FAIM2: variants seen among roughly 807,000 people sequenced by gnomAD.
FAIM2 encodes the protein Fas apoptotic inhibitory molecule 2, also known as protein lifeguard 2.
In FAIM2, 27 loss-of-function variants were observed where a neutral mutation model predicts 47.4. The ratio of observed to expected loss-of-function variants is 0.57; its 90% CI spans 0.42 to 0.78. The LOEUF is 0.78. Ranked by LOEUF, FAIM2 falls within the 30% of genes least tolerant of loss-of-function variation. The pLI is 0.00. For missense variants in FAIM2, 311 were observed against 389.4 expected (o/e 0.80, Z 1.69); for synonymous variants, 156 against 159.3 (o/e 0.98, Z 0.16).
chr12:49,880,176 GTA>G lies in FAIM2; in HGVS notation c.801+7208_801+7209del, dbSNP rs1565614710. 1.4e-3 allele frequency among the ~76,000 whole-genome samples: 119 copies of G among 87,272 alleles called. 1 individual carries two copies. The highest frequency in any genetic ancestry group is 5.5e-3 in the African/African-American group (117 of 21,232). 57.3% of individuals were successfully genotyped at this position (87,272 alleles called of 152,430 possible). On this transcript the variant is annotated intron_variant, in intron 11 of 11. Transcript: ENST00000320634. ...TGTGTGTGCATGTGTGTATGTGTGT[GTA>G]TGCATGTGTGTATATGTGCATGTGT...
intron 5 of FAIM2, among the ~76,000 whole-genome samples, chr12:49,896,189 C>T (rs752817446): frequency 6.6e-6 from 1 of 152,162 alleles, no homozygotes; most frequent in Non-Finnish European, 1.5e-5. Context: ...CTCCCGCAGC[C>T]CCCGTACAGG....
chr12:49,885,441 C>G (rs566893203), intron 11 of FAIM2, among the ~76,000 whole-genome samples: 1 of 152,332 alleles, frequency 6.6e-6, no homozygotes, highest in South Asian at 2.1e-4. Flanking sequence ...TGTGGCCCTC[C>G]TCTTTCTCTC....
chr12:49,890,963 C>T, intron 6 of FAIM2, 101 bp downstream of exon 6: 1 of 1,230,116 alleles, frequency 8.1e-7, no homozygotes, highest in Non-Finnish European at 1.2e-6. Flanking sequence ...ATGGGGCCCT[C>T]TCAGGGCTGC....
intron 11 of FAIM2, among the ~76,000 whole-genome samples, chr12:49,877,692 C>T (rs550329179): frequency 2.4e-5 from 1 of 41,514 alleles, no homozygotes; most frequent in African/African-American, 1.3e-4. Context: ...CTGGCCCAGG[C>T]TGGTCATGGT....
At chr12:49,896,630 G>T (rs1033673442) in intron 5 of FAIM2, among the ~76,000 whole-genome samples, 1 of 152,338 alleles carries the variant, frequency 6.6e-6, no homozygotes, top group Admixed American at 6.5e-5. Context: ...TTAAGTGGTA[G>T]CTATTATGAT....
chr12:49,880,078 G>A (rs1946798597), intron 11 of FAIM2, among the ~76,000 whole-genome samples: 1 of 151,722 alleles, frequency 6.6e-6, no homozygotes, highest in Non-Finnish European at 1.5e-5. Context: ...GTGCATGAGT[G>A]TATGTGTGTG....
At chr12:49,893,903 G>T (rs185108019) in intron 5 of FAIM2, among the ~76,000 whole-genome samples, 2 of 152,222 alleles carry the variant, frequency 1.3e-5, no homozygotes, top group Non-Finnish European at 2.9e-5. Context: ...GTCCATGTGG[G>T]TGTGGGTTCT....
At chr12:49,880,670 G>C (rs910936307) in intron 11 of FAIM2, among the ~76,000 whole-genome samples, 1 of 151,340 alleles carries the variant, frequency 6.6e-6, no homozygotes, top group East Asian at 1.9e-4. Flanking sequence ...ATGTGTGTGC[G>C]TGTCTATATG....
At chr12:49,890,248 G>T (rs1294685477) in intron 7 of FAIM2, 94 bp from the exon 8 acceptor site, 7 of 1,138,758 alleles carry the variant, frequency 6.1e-6, no homozygotes, top group Non-Finnish European at 9.3e-6. Context: ...CCCCTTGCAG[G>T]TACCCCTCAA....
At chr12:49,879,389 GGTATGT>G (rs1946782200) in intron 11 of FAIM2, among the ~76,000 whole-genome samples, 1 of 135,674 alleles carries the variant, frequency 7.4e-6, no homozygotes, top group Non-Finnish European at 1.6e-5. Context: ...TGTGTATGTG[GGTATGT>G]GTCCATGTGA....
intron 5 of FAIM2, among the ~76,000 whole-genome samples, chr12:49,891,553 C>T (rs577011433): frequency 4.6e-5 from 7 of 152,298 alleles, no homozygotes; most frequent in African/African-American, 7.2e-5. Context: ...CCAGCTACCA[C>T]GCTGCAGAAG....
At chr12:49,903,277 G>A (rs1946993730) in intron 1 of FAIM2, among the ~76,000 whole-genome samples, 2 of 152,240 alleles carry the variant, frequency 1.3e-5, no homozygotes, top group Admixed American at 1.3e-4. Context: ...CAAGCACAGG[G>A]ATGGAGCCAA....
chr12:49,872,862 G>C (rs1383767471), intron 11 of FAIM2, among the ~76,000 whole-genome samples: 1 of 152,234 alleles, frequency 6.6e-6, no homozygotes, highest in Non-Finnish European at 1.5e-5. Flanking sequence ...GTGAGAATGA[G>C]ATAATGCATG....
chr12:49,897,148 G>T, intron 4 of FAIM2, 64 bp from the exon 5 acceptor site: 1 of 1,262,484 alleles, frequency 7.9e-7, no homozygotes, highest in South Asian at 1.2e-5. Flanking sequence ...TTCTGGTTCA[G>T]CATCTGCATC....
intron 10 of FAIM2, among the ~76,000 whole-genome samples, chr12:49,888,745 C>A (rs1476184618): frequency 6.6e-6 from 1 of 152,206 alleles, no homozygotes; most frequent in Non-Finnish European, 1.5e-5. Context: ...GAAGACCCTT[C>A]TTCAAGGCCC....
At chr12:49,884,053 C>G (rs574174628) in intron 11 of FAIM2, among the ~76,000 whole-genome samples, 1 of 152,096 alleles carries the variant, frequency 6.6e-6, no homozygotes, top group African/African-American at 2.4e-5. Flanking sequence ...AAGACCCCAT[C>G]TCTACTAAAA....
intron 11 of FAIM2, among the ~76,000 whole-genome samples, chr12:49,880,255 T>C (rs1050851335): frequency 6.6e-6 from 1 of 151,756 alleles, no homozygotes; most frequent in African/African-American, 2.4e-5. Flanking sequence ...TGTTCATGTG[T>C]ATATGTGCGT....
At chr12:49,881,813 C>T (rs1334481779) in intron 11 of FAIM2, among the ~76,000 whole-genome samples, 1 of 152,202 alleles carries the variant, frequency 6.6e-6, no homozygotes. Flanking sequence ...TGAGAATGTA[C>T]TAAGGCTGAC....
chr12:49,877,856 ATGTG>A (rs756077094), intron 11 of FAIM2, among the ~76,000 whole-genome samples: 8 of 150,958 alleles, frequency 5.3e-5, no homozygotes, highest in African/African-American at 1.2e-4. Context: ...AGGTGTGTGC[ATGTG>A]TGTGTGAGTG....
Sources: gnomAD v4.1 joint callset for allele counts (sites outside exome capture counted in the v4.1 genomes callset) on GRCh38, gnomAD v4.1.1 for gene constraint, MANE v1.5 for transcripts, NCBI Gene and HGNC (gene_info 2026-07-23, HGNC 2026-07-21) for gene names.